SHTN1: variants seen among roughly 807,000 people sequenced by gnomAD.
SHTN1 encodes the protein shootin 1, also known as shootin-1.
A neutral mutation model predicts 83.1 loss-of-function variants in SHTN1; 42 were observed. The observed-to-expected ratio is 0.51, with a 90% CI of 0.39 to 0.65. SHTN1 has a LOEUF of 0.65. Ranked by LOEUF, SHTN1 falls within the 30% of genes least tolerant of loss-of-function variation. SHTN1 has a pLI of 0.00. For synonymous variants in SHTN1, 224 were observed against 247.7 expected, an observed-to-expected ratio of 0.90 and a Z score of 0.90; for missense variants, 622 against 737.8, an observed-to-expected ratio of 0.84 and a Z score of 1.82.
At chr10:117,048,851 CTTTAAAATATA>C (rs1852703595) in intron 1 of SHTN1, among the ~76,000 whole-genome samples, 2 of 152,160 alleles carry the variant, frequency 1.3e-5, no homozygotes, top group East Asian at 3.8e-4. Flanking sequence ...ACTTTGCCCT[CTTTAAAATATA>C]TTTAATGGTC....
chr10:117,005,628 G>C (rs374681314), upstream of SHTN1: 51 of 982,602 alleles, frequency 5.2e-5, no homozygotes, highest in East Asian at 1.5e-3. Flanking sequence ...GTAGACTCTG[G>C]GGGCGCGGTT....
intron 10 of SHTN1, 123 bp from the exon 11 acceptor site, chr10:116,928,014 A>C: frequency 3.7e-6 from 4 of 1,087,126 alleles, no homozygotes; most frequent in Non-Finnish European, 5.3e-6. Context: ...CAAAATTAGA[A>C]ATTTCAATAT....
intron 1 of SHTN1, among the ~76,000 whole-genome samples, chr10:117,106,741 G>C (rs1853676660): frequency 6.6e-6 from 1 of 152,112 alleles, no homozygotes; most frequent in East Asian, 1.9e-4. Flanking sequence ...TCTAATTCTT[G>C]GGGGTGATCA....
At chr10:116,996,101 A>T (rs1851618212) in intron 1 of SHTN1, among the ~76,000 whole-genome samples, 2 of 152,208 alleles carry the variant, frequency 1.3e-5, no homozygotes, top group South Asian at 4.1e-4. Flanking sequence ...TAATAGACAA[A>T]AACTTATTTT....
rs569347970 is a variant in SHTN1, at chr10:117,011,302, G to T, written c.-122-31994C>A. ...CTTTTCTACCTTCATACCAACTTCA[G>T]TCTTTTGCATGTGGATATCTACTTT... On this transcript the variant is annotated intron_variant, in intron 2 of 17. Coordinates refer to the SHTN1 transcript ENST00000392901. Among the ~76,000 whole-genome samples, 112 of 152,238 alleles carry T rather than the reference G, an allele frequency of 7.4e-4. 2 individuals carry two copies. The South Asian group carries it at 0.022, about 30-fold the overall frequency.
At chr10:116,967,985 C>A (rs927977175) in intron 3 of SHTN1, among the ~76,000 whole-genome samples, 2 of 152,134 alleles carry the variant, frequency 1.3e-5, no homozygotes, top group Non-Finnish European at 2.9e-5. Flanking sequence ...AGACCAGGAC[C>A]ATCCTGGCCA....
chr10:116,943,008 G>A (rs1211054028), intron 8 of SHTN1, among the ~76,000 whole-genome samples: 2 of 152,196 alleles, frequency 1.3e-5, no homozygotes, highest in African/African-American at 4.8e-5. Flanking sequence ...TTCCAACGTG[G>A]TGCTATTTTT....
At chr10:116,967,537 C>T (rs917308123) in intron 3 of SHTN1, among the ~76,000 whole-genome samples, 10 of 152,192 alleles carry the variant, frequency 6.6e-5, no homozygotes, top group African/African-American at 2.2e-4. Context: ...TCACCACCAT[C>T]AAGGCTGCAG....
At chr10:117,067,803 G>A (rs151318111) in intron 1 of SHTN1, among the ~76,000 whole-genome samples, 174 of 152,246 alleles carry the variant, frequency 1.1e-3, no homozygotes, top group African/African-American at 3.9e-3. Flanking sequence ...CTAGGAGATA[G>A]AGTTGACAGT....
At chr10:116,905,726 A>T (rs1847942766) in intron 15 of SHTN1, among the ~76,000 whole-genome samples, 1 of 152,074 alleles carries the variant, frequency 6.6e-6, no homozygotes, top group South Asian at 2.1e-4. Flanking sequence ...AGCTGACTGA[A>T]CTCAATCTAG....
At chr10:116,964,131 C>T (rs1234929401) in intron 3 of SHTN1, among the ~76,000 whole-genome samples, 2 of 152,114 alleles carry the variant, frequency 1.3e-5, no homozygotes, top group African/African-American at 2.4e-5. Context: ...GGCCTAAGCT[C>T]GCCTGTGAAC....
chr10:116,908,686 G>GTACA (rs555226880), intron 14 of SHTN1, among the ~76,000 whole-genome samples: 62 of 152,182 alleles, frequency 4.1e-4, no homozygotes, highest in South Asian at 2.3e-3. Context: ...GTGTGTGTTC[G>GTACA]TACATACATA....
At chr10:117,088,978 G>A (rs1463927817) in intron 1 of SHTN1, among the ~76,000 whole-genome samples, 2 of 152,112 alleles carry the variant, frequency 1.3e-5, no homozygotes, top group Non-Finnish European at 2.9e-5. Flanking sequence ...CCTATAACCT[G>A]GCACATTATT....
At chr10:116,921,867 T>C (rs1378317915) in intron 11 of SHTN1, among the ~76,000 whole-genome samples, 1 of 152,056 alleles carries the variant, frequency 6.6e-6, no homozygotes, top group African/African-American at 2.4e-5. Context: ...ATGAAAGAAT[T>C]AGGGAATGTT....
intron 1 of SHTN1, among the ~76,000 whole-genome samples, chr10:117,097,729 A>C (rs762212327): frequency 7.9e-5 from 12 of 152,198 alleles, no homozygotes; most frequent in Non-Finnish European, 1.3e-4. Flanking sequence ...TGTATTTGAG[A>C]ACTCACTACC....
intron 15 of SHTN1, among the ~76,000 whole-genome samples, chr10:116,903,739 T>A (rs1004468008): frequency 2.6e-5 from 4 of 152,210 alleles, no homozygotes; most frequent in African/African-American, 9.6e-5. Flanking sequence ...CTTTAAACAA[T>A]CTGTCCTTGT....
intron 1 of SHTN1, among the ~76,000 whole-genome samples, chr10:117,082,829 G>A (rs1033823562): frequency 1.3e-5 from 2 of 151,840 alleles, no homozygotes; most frequent in East Asian, 2.0e-4. Context: ...TTGGTTTAAA[G>A]TCTGTCTTAT....
intron 2 of SHTN1, among the ~76,000 whole-genome samples, chr10:117,011,973 T>G (rs1852112758): frequency 6.6e-6 from 1 of 152,016 alleles, no homozygotes; most frequent in East Asian, 1.9e-4. Context: ...ACCCTGTCTC[T>G]AATAAAAATA....
At chr10:117,023,138 T>G (rs1852286563) in intron 2 of SHTN1, among the ~76,000 whole-genome samples, 1 of 152,346 alleles carries the variant, frequency 6.6e-6, no homozygotes, top group African/African-American at 2.4e-5. Context: ...CAAGTGCCAG[T>G]GTTTTTATAC....
Sources: gnomAD v4.1 joint callset for allele counts (sites outside exome capture counted in the v4.1 genomes callset) on GRCh38, gnomAD v4.1.1 for gene constraint, MANE v1.5 for transcripts, NCBI Gene and HGNC (gene_info 2026-07-23, HGNC 2026-07-21) for gene names.